MBNL1: variants seen among roughly 807,000 people sequenced by gnomAD.
The protein encoded by MBNL1 is muscleblind-like protein 1.
A neutral mutation model predicts 42.2 loss-of-function variants in MBNL1; 8 were observed. The observed-to-expected ratio is 0.19, with a 90% CI of 0.11 to 0.34. MBNL1 has a LOEUF of 0.34. Among genes scored for constraint, MBNL1 ranks in the 10% least tolerant of loss-of-function variants. The pLI is 1.00. For missense variants in MBNL1, 309 were observed against 495.3 expected (o/e 0.62, Z 3.57); for synonymous variants, 169 against 173.9 (o/e 0.97, Z 0.22).
intron 1 of MBNL1, among the ~76,000 whole-genome samples, chr3:152,274,047 C>T (rs1343071999): frequency 1.3e-5 from 2 of 152,150 alleles, no homozygotes; most frequent in Non-Finnish European, 2.9e-5. Context: ...ATGTCAACTC[C>T]ATTCCAGTCC....
At chr3:152,385,095 G>A (rs1352668931) in intron 2 of MBNL1, among the ~76,000 whole-genome samples, 1 of 152,068 alleles carries the variant, frequency 6.6e-6, no homozygotes, top group East Asian at 1.9e-4. Flanking sequence ...ATTTGGTAGC[G>A]ATACTTAGTT....
intron 2 of MBNL1, among the ~76,000 whole-genome samples, chr3:152,375,993 G>A (rs1034983463): frequency 2.0e-5 from 3 of 152,000 alleles, no homozygotes; most frequent in Non-Finnish European, 4.4e-5. Context: ...TTTCCCTTTA[G>A]CCTTCAGAAA....
At chr3:152,367,880 T>C (rs2096483429) in intron 2 of MBNL1, among the ~76,000 whole-genome samples, 2 of 152,068 alleles carry the variant, frequency 1.3e-5, no homozygotes, top group African/African-American at 4.8e-5. Context: ...GGTTTTTTTT[T>C]CTTGTAAATT....
intron 8 of MBNL1, chr3:152,458,440 T>C: frequency 2.1e-6 from 1 of 486,508 alleles, no homozygotes; most frequent in Admixed American, 3.4e-5. Context: ...ATTAGTATCA[T>C]TTTATAGAAG....
At chr3:152,279,637 T>C (rs1187470472) in intron 1 of MBNL1, among the ~76,000 whole-genome samples, 1 of 152,170 alleles carries the variant, frequency 6.6e-6, no homozygotes, top group African/African-American at 2.4e-5. Context: ...TCAGTAGATA[T>C]GGTATGGAGT....
At chr3:152,454,200 C>G (rs992611209) in intron 6 of MBNL1, among the ~76,000 whole-genome samples, 13 of 152,106 alleles carry the variant, frequency 8.5e-5, no homozygotes, top group African/African-American at 2.9e-4. Context: ...TAGGATGTGT[C>G]CCCAGATACA....
At chr3:152,278,807 C>T (rs940479108) in intron 1 of MBNL1, among the ~76,000 whole-genome samples, 2 of 152,048 alleles carry the variant, frequency 1.3e-5, no homozygotes, top group Admixed American at 6.6e-5. Context: ...ATTCTGAGCA[C>T]GTTTAAAGTC....
rs187013690 is a variant in MBNL1, at chr3:152,315,908, C to T, written c.174+15541C>T. On this transcript the variant is annotated intron_variant, in intron 2 of 9. Transcript: ENST00000324210. ...CTCTCACTCCTCTCTCTCTCACACA[C>T]ATATGCGCGCGCACACACCCACACG... Among the ~76,000 whole-genome samples the T allele has an allele frequency of 5.8e-3, 883 of 152,092 alleles. 6 individuals carry two copies. The highest frequency in any genetic ancestry group is 0.011 in the Admixed American group (161 of 15,276).
chr3:152,395,273 T>C (rs986071059), intron 2 of MBNL1, among the ~76,000 whole-genome samples: 1 of 152,246 alleles, frequency 6.6e-6, no homozygotes, highest in African/African-American at 2.4e-5. Context: ...AGACATGTTA[T>C]TGCTTCAAGG....
At chr3:152,360,501 C>T (rs1238259754) in intron 2 of MBNL1, among the ~76,000 whole-genome samples, 2 of 152,100 alleles carry the variant, frequency 1.3e-5, no homozygotes, top group African/African-American at 4.8e-5. Flanking sequence ...CCCCATCTCT[C>T]TCTGTCCTTT....
At chr3:152,281,696 G>C (rs1236488250) in intron 1 of MBNL1, among the ~76,000 whole-genome samples, 2 of 152,132 alleles carry the variant, frequency 1.3e-5, no homozygotes, top group African/African-American at 4.8e-5. Flanking sequence ...GGATGGCTTT[G>C]CTGAATGGCA....
chr3:152,444,661 C>A (rs2099195751), intron 4 of MBNL1, among the ~76,000 whole-genome samples: 1 of 152,202 alleles, frequency 6.6e-6, no homozygotes, highest in South Asian at 2.1e-4. Flanking sequence ...TTTAACCAAT[C>A]TACAGACTTT....
At chr3:152,304,490 C>G (rs73026371) in intron 2 of MBNL1, among the ~76,000 whole-genome samples, 1 of 152,204 alleles carries the variant, frequency 6.6e-6, no homozygotes, top group Non-Finnish European at 1.5e-5. Context: ...ACTGGAATCA[C>G]TGTTACCAGG....
At chr3:152,325,930 T>C (rs1001760596) in intron 2 of MBNL1, among the ~76,000 whole-genome samples, 1 of 152,168 alleles carries the variant, frequency 6.6e-6, no homozygotes, top group Non-Finnish European at 1.5e-5. Flanking sequence ...GCATTTTGTA[T>C]GCATGTATCC....
intron 3 of MBNL1, among the ~76,000 whole-genome samples, chr3:152,421,625 C>T (rs1372310085): frequency 6.6e-6 from 1 of 152,086 alleles, no homozygotes; most frequent in East Asian, 1.9e-4. Context: ...AGAAGAGCAA[C>T]CCCAAGACAT....
chr3:152,259,130 A>T (rs2035874318), intron 2 of MBNL1, among the ~76,000 whole-genome samples: 2 of 152,228 alleles, frequency 1.3e-5, no homozygotes, highest in South Asian at 4.1e-4. Flanking sequence ...TATACAATTA[A>T]CTTTTTCTTT....
At chr3:152,443,191 C>G (rs1353588851) in intron 4 of MBNL1, among the ~76,000 whole-genome samples, 1 of 107,378 alleles carries the variant, frequency 9.3e-6, no homozygotes, top group African/African-American at 4.3e-5. Context: ...CCCCCCCCCC[C>G]ACACACACAC....
At chr3:152,342,537 C>A (rs2093476338) in intron 2 of MBNL1, among the ~76,000 whole-genome samples, 2 of 140,676 alleles carry the variant, frequency 1.4e-5, no homozygotes, top group Non-Finnish European at 3.0e-5. Context: ...CTCTGTCTTA[C>A]TGGGAAACTA....
chr3:152,433,473 G>A (rs190150371), intron 4 of MBNL1, among the ~76,000 whole-genome samples: 52 of 152,164 alleles, frequency 3.4e-4, no homozygotes, highest in South Asian at 8.3e-4. Context: ...TTTTGCGGCC[G>A]GGCGCGGTGG....
Sources: allele counts gnomAD v4.1 joint callset (sites outside exome capture counted in the v4.1 genomes callset), GRCh38; gene constraint gnomAD v4.1.1; transcripts MANE v1.5; gene names NCBI Gene and HGNC (gene_info 2026-07-23, HGNC 2026-07-21).